The following NAGK variants were observed in gnomAD, a reference collection of about 807,000 sequenced individuals.
NAGK encodes N-acetylglucosamine kinase, also known as N-acetyl-D-glucosamine kinase.
NAGK carries 35 observed loss-of-function variants against 42.9 expected under a neutral mutation model. The ratio of observed to expected loss-of-function variants is 0.82; its 90% confidence interval spans 0.62 to 1.08. The LOEUF is 1.08. Among genes scored for constraint, NAGK ranks in the 50% least tolerant of loss-of-function variants. NAGK has a pLI of 0.00. For synonymous variants in NAGK, 172 were observed against 176.0 expected, an observed-to-expected ratio of 0.98 and a Z score of 0.18; for missense variants, 446 against 446.0, an observed-to-expected ratio of 1.00 and a Z score of 0.00.
chr2:71,068,614 G>C (rs1011690627), upstream of NAGK: 1 of 1,525,644 alleles, frequency 6.6e-7, no homozygotes, highest in African/African-American at 1.4e-5. Context: ...TGCCCAGACA[G>C]CTGGAGGGAA....
At chr2:71,071,653 T>A in intron 3 of NAGK, 33 bp from the exon 4 acceptor site, 6 of 1,592,654 alleles carry the variant, frequency 3.8e-6, no homozygotes, top group Non-Finnish European at 5.1e-6. Flanking sequence ...GGGCTGGGGC[T>A]CTGCACACTC....
At chr2:71,070,696 CT>C in intron 2 of NAGK, 44 bp from the exon 3 acceptor site, 1 of 1,612,346 alleles carries the variant, frequency 6.2e-7, no homozygotes, top group South Asian at 1.1e-5. Flanking sequence ...GGCAACATAG[CT>C]TCTGTAAGCC....
intron 6 of NAGK, 128 bp downstream of exon 6, chr2:71,073,722 G>A (rs1672114139): frequency 2.5e-6 from 2 of 797,748 alleles, no homozygotes; most frequent in Non-Finnish European, 4.4e-6. Flanking sequence ...GGTCTGAGTT[G>A]CAGGGTGAAG....
At position 71,072,717 on chromosome 2, in the gene NAGK, C is replaced by T. The variant is rs375798610; in HGVS notation, c.432C>T (p.Gly144=). The part of the protein sequence containing the change: ...INPDGSESGC[G]GWGHMMGDEG... ...CTGATGGCTCCGAGAGTGGCTGCGG[C>T]GGCTGGGGCCATATGATGGGTGATG... is the stretch of plus-strand genomic sequence containing the variant. The change falls in exon 5 of 10, where the codon GGC becomes GGT. Residue 144 remains glycine, a synonymous_variant. Transcript: ENST00000244204. 3.9e-5 allele frequency: 63 copies of T among 1,613,836 alleles called. 1 individual carries two copies. The highest frequency in any genetic ancestry group is 4.4e-5 in the Non-Finnish European group (52 of 1,179,934).
rs909125602 is a variant in NAGK at position 71,070,832 on chromosome 2, G to A, written c.206G>A (p.Arg69Gln). The change falls in exon 3 of 10, where the codon CGA becomes CAA. Residue 69 changes from arginine to glutamine, a missense_variant. Coordinates refer to ENST00000244204, the MANE Select transcript of NAGK (RefSeq NM_017567.6). The part of the protein sequence containing the change: ...KAGVDPLVPL[R>Q]SLGLSLSGGD... ...GGGGTGGATCCTCTGGTACCGCTGC[G>A]AAGCTTGGTGAGTCTGGGGCGGAGC... 6.8e-6 allele frequency: 11 copies of A among 1,614,052 alleles called. No homozygotes were observed. Among genetic ancestry groups the A allele is most frequent in the Admixed American group, 6.7e-5 (4 of 59,996 alleles).
intron 8 of NAGK, among the ~76,000 whole-genome samples, chr2:71,076,930 A>T (rs1672232447): frequency 6.6e-6 from 1 of 152,140 alleles, no homozygotes. Flanking sequence ...AATTAGTTTA[A>T]TGTACGTGTG....
intron 5 of NAGK, chr2:71,073,222 C>T: frequency 1.8e-6 from 1 of 552,192 alleles, no homozygotes; most frequent in South Asian, 2.1e-5. Context: ...TTGCCTTATC[C>T]TTGGGTAGGA....
In NAGK at chr2:71,073,609, C is replaced by T. The variant is rs1311233955; in HGVS notation, c.579+15C>T. 6 of 1,587,678 alleles carry T rather than the reference C, an allele frequency of 3.8e-6. No homozygotes were observed. The highest frequency in any genetic ancestry group is 4.3e-6 in the Non-Finnish European group (5 of 1,155,818). On this transcript the variant is annotated intron_variant, in intron 6 of 9. Transcript: ENST00000244204. ...ACTATTTCCAGGTACTCCTCCTGCTCCCAGTAAACATGCGCACCTGGGGTA... is the reference window on the plus strand; with the variant it reads ...ACTATTTCCAGGTACTCCTCCTGCTTCCAGTAAACATGCGCACCTGGGGTA...
chr2:71,077,420 C>T, intron 8 of NAGK, 138 bp from the exon 9 acceptor site: 7 of 754,404 alleles, frequency 9.3e-6, no homozygotes, highest in Admixed American at 5.4e-5. Flanking sequence ...TTTTTTTTCC[C>T]CTTTCCTGAG....
chr2:71,075,610 GGTTTGCTGGGTTTT>G lies in NAGK; in HGVS notation c.637_650del (p.Phe213ProfsTer37), dbSNP rs1558729305. The G allele has an allele frequency of 1.1e-5, 18 of 1,614,118 alleles. No homozygotes were observed. Among genetic ancestry groups the G allele is most frequent in the Non-Finnish European group, 1.5e-5 (18 of 1,179,976 alleles). On this transcript the variant is annotated frameshift_variant, in exon 7 of 10. Transcript: ENST00000244204. LOFTEE classifies it high-confidence loss of function. ...CTGTATAGGGACTTTGATAAATGCA[GGTTTGCTGGGTTTT>G]GCCGGAAAATTGCAGAAGGTACTGG...
At position 71,075,818 on chromosome 2, in the gene NAGK, C is replaced by T. The variant is rs761383415; in HGVS notation, c.667+176C>T. The stretch of plus-strand genomic sequence containing the variant: ...GCCTTGGGGTGGAGGCAGAAGGGCA[C>T]GTGGGTCGTGTTGACAGTTTTGTAT... On this transcript the variant is annotated intron_variant, in intron 7 of 9. Coordinates refer to ENST00000244204, the MANE Select transcript of NAGK (RefSeq NM_017567.6). The T allele has an allele frequency of 3.7e-5, 23 of 614,644 alleles. 1 individual carries two copies. The highest frequency in any genetic ancestry group is 2.0e-4 in the South Asian group (10 of 50,066). The allele number at this position is 614,644 out of a possible 1,614,324, so 38.1% of individuals were successfully genotyped here.
At position 71,068,669 on chromosome 2, in the gene NAGK, G is replaced by A; in HGVS notation, c.-15G>A. On this transcript the variant is annotated 5_prime_UTR_variant, in exon 1 of 10. Transcript: ENST00000244204. Reference sequence around the variant, plus strand: ...AGACGCAAACGGCGGGACCAGCAGCGACGGTAGCAGCAGCATGGCCGCGAT... The same window carrying A: ...AGACGCAAACGGCGGGACCAGCAGCAACGGTAGCAGCAGCATGGCCGCGAT... 6.6e-7 allele frequency: 1 copy of A among 1,520,934 alleles called. No homozygotes were observed. The allele number at this position is 1,520,934 out of a possible 1,614,324, so 94.2% of individuals were successfully genotyped here.
chr2:71,075,075 G>C (rs1367202732), intron 6 of NAGK: 3 of 153,234 alleles, frequency 2.0e-5, no homozygotes, highest in Non-Finnish European at 4.4e-5. Flanking sequence ...ACTTCTCAGA[G>C]CCTTTAATTT....
intron 1 of NAGK, chr2:71,069,143 G>A: frequency 1.0e-6 from 1 of 988,908 alleles, no homozygotes; most frequent in Non-Finnish European, 1.2e-6. Context: ...GGTTATCCGG[G>A]AGCTGGAGCA....
chr2:71,073,324 A>ACCCCCCCCCCCCCC, intron 5 of NAGK, 158 bp from the exon 6 acceptor site: 1 of 188,390 alleles, frequency 5.3e-6, no homozygotes, highest in Non-Finnish European at 1.1e-5. Context: ...AGACCCTCCC[A>ACCCCCCCCCCCCCC]CCCCCCTCTC....
In NAGK at chr2:71,078,605, CAT is replaced by C. The variant is rs1672304472; in HGVS notation, c.*99_*100del. ...CCTTTCTCCTTTTTACAAAAACAAA[CAT>C]AGAAGAAAATAAATGCACTTTATCC... On this transcript the variant is annotated 3_prime_UTR_variant, in exon 10 of 10. Coordinates refer to ENST00000244204, the MANE Select transcript of NAGK (RefSeq NM_017567.6). The C allele has an allele frequency of 7.4e-7, 1 of 1,357,886 alleles. No homozygotes were observed. Among genetic ancestry groups the C allele is most frequent in the Non-Finnish European group, 9.8e-7 (1 of 1,016,828 alleles). The allele number at this position is 1,357,886 out of a possible 1,614,324, so 84.1% of individuals were successfully genotyped here.
chr2:71,075,804 G>T (rs2103715107), intron 7 of NAGK, 162 bp downstream of exon 7: 1 of 662,978 alleles, frequency 1.5e-6, no homozygotes, highest in East Asian at 2.7e-5. Flanking sequence ...CCTTGGGGTG[G>T]AGGCAGAAGG....
chr2:71,078,642 T>A lies in NAGK; in HGVS notation c.*134T>A, dbSNP rs1572985775. ...TAAATGCACTTTATCCACTCCCCAA[T>A]TGGACTGCATTATCAAACACATGTG... On this transcript the variant is annotated 3_prime_UTR_variant, in exon 10 of 10. Transcript: ENST00000244204. The A allele has an allele frequency of 4.7e-6, 5 of 1,057,228 alleles. No homozygotes were observed. The East Asian group carries it at 1.3e-4, about 28-fold the overall frequency. 65.5% of individuals were successfully genotyped at this position (1,057,228 alleles called of 1,614,324 possible). A position where few individuals can be genotyped will look rare whatever the true frequency, so the allele number is the denominator to read the frequency against.
rs1254606490 is a variant in NAGK at position 71,078,495 on chromosome 2, A to G, written c.1022A>G (p.Tyr341Cys). 2.6e-6 allele frequency: 4 copies of G among 1,553,750 alleles called. No homozygotes were observed. In the South Asian group the frequency reaches 3.5e-5, roughly 14 times the overall value. Residue 341 changes from tyrosine to cysteine, a missense_variant, in exon 10 of 10, where the codon TAC (tyrosine) becomes TGC (cysteine). Coordinates refer to ENST00000244204, the MANE Select transcript of NAGK (RefSeq NM_017567.6). ...GCCAATGCCATTGCCTTCTATTCCT[A>G]CACCTTTTCCTAGGGGGCTGGTCCC... Reference protein sequence around the residue: ...YSANAIAFYSYTFS With the variant: ...YSANAIAFYSCTFS
Sources: allele counts gnomAD v4.1 joint callset (sites outside exome capture counted in the v4.1 genomes callset), GRCh38; gene constraint gnomAD v4.1.1; transcripts MANE v1.5; gene names NCBI Gene and HGNC (gene_info 2026-07-23, HGNC 2026-07-21).